The following WWP2 variants were observed in gnomAD, a reference collection of about 807,000 sequenced individuals.
The protein encoded by WWP2 is NEDD4-like E3 ubiquitin-protein ligase WWP2.
WWP2 carries 57 observed loss-of-function variants against 121.0 expected under a neutral mutation model. That is an observed-to-expected ratio of 0.47 (90% confidence interval 0.38 to 0.59). The LOEUF (loss-of-function observed/expected upper bound fraction) is 0.59, where lower values mean the gene tolerates loss of function less well. WWP2 is among the 20% of genes least tolerant of loss of function. The probability of loss-of-function intolerance (pLI) is 0.00; values close to 1 mark genes in which losing one functional copy is unlikely to be tolerated. For synonymous variants in WWP2, 449 were observed against 441.3 expected (o/e 1.02, Z -0.22); for missense variants, 962 against 1,158.9 (o/e 0.83, Z 2.47).
In WWP2 at chr16:69,939,055, G is replaced by A. The variant is rs1433321532; in HGVS notation, c.2372G>A (p.Arg791Lys). 14 of 1,606,544 alleles carry A rather than the reference G, an allele frequency of 8.7e-6. No homozygotes were observed. The highest frequency in any genetic ancestry group is 1.2e-5 in the Non-Finnish European group (14 of 1,176,146). The stretch of plus-strand genomic sequence containing the variant: ...GTGAAGGAGATGGACAACGAGAAGA[G>A]GATCCGGCTGCTGCAGTTTGTCACC... ...QVVKEMDNEKRIRLLQFVTGT... is the reference protein window; with the variant it reads ...QVVKEMDNEKKIRLLQFVTGT... The change falls in exon 22 of 24, where the codon AGG (arginine) becomes AAG (lysine). Residue 791 changes from arginine (R) to lysine (K), a missense_variant. Arg to Lys is a conservative substitution (Grantham distance 26, BLOSUM62 2). Coordinates refer to ENST00000359154, the MANE Select transcript of WWP2 (RefSeq NM_001270454.2).
chr16:69,762,581 G>GTC (rs773607792), intron 1 of WWP2, among the ~76,000 whole-genome samples, 190 bp downstream of exon 1: 6 of 151,458 alleles, frequency 4.0e-5, no homozygotes, highest in Non-Finnish European at 7.4e-5. Context: ...CCGCCCGAGT[G>GTC]GGGTGGGCGC....
intron 13 of WWP2, 86 bp downstream of exon 13, chr16:69,930,344 G>A: frequency 6.4e-7 from 1 of 1,566,716 alleles, no homozygotes; most frequent in Non-Finnish European, 8.6e-7. Flanking sequence ...CACTTTGGGT[G>A]GCCCCTGTGG....
Position 69,941,429 on chromosome 16 carries a change from T to C in WWP2, c.*1489T>C, listed in dbSNP as rs2058879183. On this transcript the variant is annotated 3_prime_UTR_variant, in exon 24 of 24. Transcript: ENST00000359154. ...CGTCTGCCTCTGTCGTGTGTGCTGATTTGAGTGGCTTAGCTTGCCACAGCG... is the reference window on the plus strand; with the variant it reads ...CGTCTGCCTCTGTCGTGTGTGCTGACTTGAGTGGCTTAGCTTGCCACAGCG... 1 of 153,808 alleles carries C rather than the reference T, an allele frequency of 6.5e-6. No homozygotes were observed. Among genetic ancestry groups the C allele is most frequent in the Non-Finnish European group, 1.5e-5 (1 of 68,094 alleles). 9.5% of individuals were successfully genotyped at this position (153,808 alleles called of 1,614,324 possible).
chr16:69,938,033 C>T (rs1209228044), intron 21 of WWP2, among the ~76,000 whole-genome samples: 1 of 151,832 alleles, frequency 6.6e-6, no homozygotes, highest in Non-Finnish European at 1.5e-5. Flanking sequence ...TTCTTTTATA[C>T]GTATGGGTTT....
chr16:69,782,128 C>A (rs1304101973), intron 1 of WWP2, among the ~76,000 whole-genome samples: 1 of 151,992 alleles, frequency 6.6e-6, no homozygotes, highest in South Asian at 2.1e-4. Flanking sequence ...ACTAAAAATA[C>A]AGAAATTAGC....
In WWP2 at chr16:69,939,866, T is replaced by C; in HGVS notation, c.2539T>C (p.Tyr847His). The change falls in exon 24 of 24, where the codon TAC (tyrosine) becomes CAC (histidine). Residue 847 changes from tyrosine to histidine, a missense_variant. Tyr to His is a moderately conservative substitution (Grantham distance 83). Coordinates refer to ENST00000359154, the MANE Select transcript of WWP2 (RefSeq NM_001270454.2). ...CTTCAACCGTCTGGATCTTCCACCC[T>C]ACAAGAGCTACGAACAGCTGAGAGA... ...TCFNRLDLPP[Y>H]KSYEQLREKL... 2 of 1,613,950 alleles carry C rather than the reference T, an allele frequency of 1.2e-6. No homozygotes were observed. Among genetic ancestry groups the C allele is most frequent in the Non-Finnish European group, 1.7e-6 (2 of 1,179,920 alleles).
rs796090205 is a variant in WWP2 at position 69,887,402 on chromosome 16, C to CTT, written c.704-627_704-626dup. Reference sequence around the variant, plus strand: ...GGCCTTGCTGCATTTAGCCCCAACACTTTTTTTTTTTGAGACACAATTTTG... The same window carrying CTT: ...GGCCTTGCTGCATTTAGCCCCAACACTTTTTTTTTTTTTGAGACACAATTTTG... On this transcript the variant is annotated intron_variant, in intron 7 of 23. Coordinates refer to ENST00000359154, the MANE Select transcript of WWP2 (RefSeq NM_001270454.2). Among the ~76,000 whole-genome samples the CTT allele has an allele frequency of 4.9e-3, 728 of 147,564 alleles. 6 individuals are homozygous for CTT. Among genetic ancestry groups the CTT allele is most frequent in the African/African-American group, 0.017 (691 of 40,518 alleles).
intron 6 of WWP2, among the ~76,000 whole-genome samples, chr16:69,863,722 C>T (rs541442159): frequency 3.3e-5 from 5 of 152,312 alleles, no homozygotes; most frequent in African/African-American, 1.2e-4. Flanking sequence ...CCTTTGTAGC[C>T]AGCTCCTCCT....
chr16:69,764,226 A>T (rs778745117), intron 1 of WWP2, among the ~76,000 whole-genome samples: 1 of 152,090 alleles, frequency 6.6e-6, no homozygotes, highest in Non-Finnish European at 1.5e-5. Flanking sequence ...TTGAGACAGG[A>T]TCTTACTCTG....
intron 1 of WWP2, chr16:69,783,274 T>G (rs2055704431): frequency 6.6e-6 from 1 of 152,248 alleles, no homozygotes; most frequent in African/African-American, 2.4e-5. Context: ...CCTCCCAAAG[T>G]GCTGGGATTA....
At chr16:69,786,513 C>T (rs1254096874) in intron 1 of WWP2, among the ~76,000 whole-genome samples, 1 of 146,832 alleles carries the variant, frequency 6.8e-6, no homozygotes, top group Non-Finnish European at 1.5e-5. Context: ...GTGCAATGGC[C>T]GATCTTGGCT....
chr16:69,848,585 C>G (rs1286354028), intron 6 of WWP2, among the ~76,000 whole-genome samples: 1 of 140,726 alleles, frequency 7.1e-6, no homozygotes, highest in Non-Finnish European at 1.5e-5. Context: ...TATAGTGAGC[C>G]AAGATGGAGA....
rs777211564 is a variant in WWP2 at position 69,930,188 on chromosome 16, G to A, written c.1375G>A (p.Val459Met). Residue 459 changes from valine to methionine, a missense_variant, in exon 13 of 24, where the codon GTG becomes ATG. By Grantham distance (21) the Val-to-Met change is conservative (BLOSUM62 1). Coordinates refer to ENST00000359154, the MANE Select transcript of WWP2 (RefSeq NM_001270454.2). Reference protein sequence around the residue: ...GWEMKYTSEGVRYFVDHNTRT... With the variant: ...GWEMKYTSEGMRYFVDHNTRT... ...GGAGATGAAATACACCAGCGAGGGG[G>A]TGCGATACTTTGTGGACCACAATAC... 18 of 1,613,940 alleles carry A rather than the reference G, an allele frequency of 1.1e-5. No homozygotes were observed. Among genetic ancestry groups the A allele is most frequent in the African/African-American group, 2.7e-5 (2 of 74,914 alleles).
intron 4 of WWP2, among the ~76,000 whole-genome samples, chr16:69,822,057 G>C (rs546429462): frequency 6.6e-6 from 1 of 152,132 alleles, no homozygotes; most frequent in African/African-American, 2.4e-5. Flanking sequence ...TGTAGAGACA[G>C]GGTCTCCCTT....
At chr16:69,899,079 C>G (rs1309967694) in intron 8 of WWP2, among the ~76,000 whole-genome samples, 1 of 152,234 alleles carries the variant, frequency 6.6e-6, no homozygotes, top group East Asian at 1.9e-4. Flanking sequence ...TGCTCCCAGT[C>G]TGTGGCTTGT....
At chr16:69,830,127 G>A (rs994681105) in intron 4 of WWP2, among the ~76,000 whole-genome samples, 7 of 152,048 alleles carry the variant, frequency 4.6e-5, no homozygotes, top group African/African-American at 1.7e-4. Context: ...GCTAGTTTTT[G>A]TATTTTTAGT....
intron 6 of WWP2, among the ~76,000 whole-genome samples, chr16:69,846,925 G>T (rs1227921298): frequency 6.6e-6 from 1 of 151,894 alleles, no homozygotes; most frequent in Non-Finnish European, 1.5e-5. Context: ...TTAGAGTCTT[G>T]CTCTGTCACC....
chr16:69,868,104 A>T (rs956405635), intron 6 of WWP2, among the ~76,000 whole-genome samples: 29 of 152,194 alleles, frequency 1.9e-4, no homozygotes, highest in African/African-American at 7.0e-4. Flanking sequence ...TAAAGGTAAC[A>T]CAAGAGCCAA....
At chr16:69,892,593 G>T (rs1164016212) in intron 8 of WWP2, among the ~76,000 whole-genome samples, 3 of 152,142 alleles carry the variant, frequency 2.0e-5, no homozygotes, top group Non-Finnish European at 2.9e-5. Context: ...GAGTGCAGTT[G>T]TGCAATCTTG....
Sources: gnomAD v4.1 joint callset for allele counts (sites outside exome capture counted in the v4.1 genomes callset) on GRCh38, gnomAD v4.1.1 for gene constraint, MANE v1.5 for transcripts, NCBI Gene and HGNC (gene_info 2026-07-23, HGNC 2026-07-21) for gene names.